The following TMEM135 variants were observed in gnomAD, a reference collection of about 807,000 sequenced individuals.
TMEM135 encodes transmembrane protein 135.
Under a neutral mutation model 60.3 loss-of-function variants are expected in TMEM135, and 30 were observed. The observed-to-expected ratio is 0.50, with a 90% confidence interval of 0.37 to 0.68. The LOEUF (loss-of-function observed/expected upper bound fraction) is 0.68. TMEM135 is among the 30% of genes least tolerant of loss of function. The pLI is 0.00. For synonymous variants in TMEM135, 190 were observed against 186.7 expected (o/e 1.02, Z -0.14); for missense variants, 468 against 548.8 (o/e 0.85, Z 1.47).
In TMEM135 at chr11:87,057,382, A is replaced by G. The variant is rs999098958; in HGVS notation, c.142-10312A>G. Among the ~76,000 whole-genome samples, 8 of 152,098 alleles carry G rather than the reference A, an allele frequency of 5.3e-5. No individual in the cohort carries two copies. The East Asian group carries it at 1.3e-3, about 26-fold the overall frequency. ...TTGAAGATTGCTTGTATCTTCCCAC[A>G]TATATTATTAACAAGTTGCCCTAGT... On this transcript the variant is annotated intron_variant, in intron 1 of 14. Coordinates refer to ENST00000305494, the MANE Select transcript of TMEM135 (RefSeq NM_022918.4).
chr11:87,170,276 G>A (rs1939198002), intron 5 of TMEM135, among the ~76,000 whole-genome samples: 2 of 152,078 alleles, frequency 1.3e-5, no homozygotes, highest in South Asian at 4.1e-4. Context: ...ACCTTCTGAA[G>A]CCTATTTCTG....
intron 6 of TMEM135, among the ~76,000 whole-genome samples, chr11:87,264,884 G>A (rs7952708): frequency 0.35 from 53,584 of 151,672 alleles, 10,016 homozygotes; most frequent in Non-Finnish European, 0.42. Context: ...AAGAGATTGT[G>A]TGTTATTTTA....
chr11:87,252,796 A>ATGTGTGTGTG (rs1430756887), intron 6 of TMEM135, among the ~76,000 whole-genome samples: 47 of 81,134 alleles, frequency 5.8e-4, no homozygotes, highest in Admixed American at 2.9e-3. Context: ...ATTAAAATAT[A>ATGTGTGTGTG]TATGTGTGTG....
At chr11:87,254,166 T>C (rs893462249) in intron 6 of TMEM135, among the ~76,000 whole-genome samples, 8 of 152,088 alleles carry the variant, frequency 5.3e-5, no homozygotes, top group Admixed American at 1.3e-4. Flanking sequence ...TCATTGACAA[T>C]GTCAGTAATA....
intron 2 of TMEM135, among the ~76,000 whole-genome samples, chr11:87,070,478 CA>C (rs1445275735): frequency 6.6e-6 from 1 of 151,836 alleles, no homozygotes; most frequent in African/African-American, 2.4e-5. Flanking sequence ...ACTAAAAATA[CA>C]AAAAATTAGC....
chr11:87,305,999 C>T lies in TMEM135; in HGVS notation c.762C>T (p.Cys254=). 1.3e-6 allele frequency: 2 copies of T among 1,589,888 alleles called. No individual in the cohort carries two copies. Among genetic ancestry groups the T allele is most frequent in the Non-Finnish European group, 8.6e-7 (1 of 1,164,526 alleles). ...KHYEDNCISY[C]IKGFIRMFSV... Reference sequence around the variant, plus strand: ...ATGAAGATAATTGCATCTCTTATTGCATTAAAGTAAGTATATGAAAGTATG... The same window carrying T: ...ATGAAGATAATTGCATCTCTTATTGTATTAAAGTAAGTATATGAAAGTATG... The change falls in exon 9 of 15, where the codon TGC becomes TGT. Residue 254 remains cysteine, a synonymous_variant. Coordinates refer to ENST00000305494, the MANE Select transcript of TMEM135 (RefSeq NM_022918.4).
At chr11:87,252,788 T>A (rs1591141786) in intron 6 of TMEM135, among the ~76,000 whole-genome samples, 3 of 114,940 alleles carry the variant, frequency 2.6e-5, no homozygotes, top group African/African-American at 3.0e-5. Flanking sequence ...AAAAAAAAAT[T>A]AAAATATATA....
chr11:87,110,984 G>A (rs1283553080), intron 4 of TMEM135, among the ~76,000 whole-genome samples: 1 of 152,158 alleles, frequency 6.6e-6, no homozygotes, highest in African/African-American at 2.4e-5. Context: ...TGCCATAGAT[G>A]CCTTATGTAC....
chr11:87,038,491 C>G (rs1424707301), intron 1 of TMEM135, among the ~76,000 whole-genome samples: 1 of 151,728 alleles, frequency 6.6e-6, no homozygotes, highest in Non-Finnish European at 1.5e-5. Flanking sequence ...AACGTTAATT[C>G]AAAGACCAGC....
intron 7 of TMEM135, among the ~76,000 whole-genome samples, chr11:87,297,904 T>A (rs1319058549): frequency 6.6e-6 from 1 of 152,218 alleles, no homozygotes; most frequent in Non-Finnish European, 1.5e-5. Flanking sequence ...TGCATTTATA[T>A]GGTGAATATG....
chr11:87,077,280 G>A (rs1207360384), intron 3 of TMEM135, among the ~76,000 whole-genome samples: 1 of 152,314 alleles, frequency 6.6e-6, no homozygotes, highest in East Asian at 1.9e-4. Context: ...AACTAAGCAT[G>A]ATGCCTTTGA....
In TMEM135 at chr11:87,321,422, T is replaced by C. The variant is rs1942818159; in HGVS notation, c.*89T>C. 7.3e-7 allele frequency: 1 copy of C among 1,372,790 alleles called. No homozygotes were observed. Among genetic ancestry groups the C allele is most frequent in the Non-Finnish European group, 1.0e-6 (1 of 964,294 alleles). The allele number at this position is 1,372,790 out of a possible 1,614,324, so 85.0% of individuals were successfully genotyped here. ...CAAAGGAGGGGGCCCAAGCTCGAAC[T>C]TCAGTGTTATTTCAGTTAGAGATAC... On this transcript the variant is annotated 3_prime_UTR_variant, in exon 15 of 15. Transcript: ENST00000305494.
chr11:87,071,640 C>T (rs746318385), intron 3 of TMEM135, 25 bp downstream of exon 3: 64 of 1,586,136 alleles, frequency 4.0e-5, no homozygotes, highest in East Asian at 9.0e-5. Flanking sequence ...ATTTATTTAA[C>T]GGAACTGATT....
At chr11:87,110,040 A>G (rs114225592) in intron 4 of TMEM135, among the ~76,000 whole-genome samples, 170 of 152,214 alleles carry the variant, frequency 1.1e-3, no homozygotes, top group African/African-American at 3.9e-3. Flanking sequence ...ATGTTACTCC[A>G]GATTTTTGGT....
chr11:87,272,140 C>G (rs1411233272), intron 6 of TMEM135, among the ~76,000 whole-genome samples: 1 of 149,672 alleles, frequency 6.7e-6, no homozygotes, highest in African/African-American at 2.5e-5. Flanking sequence ...TGCAACCTCC[C>G]CCTCCCTGGT....
chr11:87,319,120 C>T (rs562681704), intron 13 of TMEM135, 190 bp from the exon 14 acceptor site: 11 of 570,190 alleles, frequency 1.9e-5, no homozygotes, highest in Admixed American at 2.9e-5. Context: ...CTGCCCGCCT[C>T]GGCCTCCCCA....
chr11:87,169,998 C>G (rs1270082844), intron 5 of TMEM135, among the ~76,000 whole-genome samples: 1 of 146,078 alleles, frequency 6.8e-6, no homozygotes, highest in Non-Finnish European at 1.5e-5. Flanking sequence ...TTCCTTCGTT[C>G]CTTTTTAGTC....
chr11:87,236,742 C>T (rs1591126268), intron 6 of TMEM135, 58 bp downstream of exon 6: 1 of 1,505,490 alleles, frequency 6.6e-7, no homozygotes, highest in East Asian at 2.3e-5. Flanking sequence ...TTTGTAATTT[C>T]ATCAACCACG....
intron 5 of TMEM135, among the ~76,000 whole-genome samples, chr11:87,186,285 C>T: frequency 6.6e-6 from 1 of 152,134 alleles, no homozygotes; most frequent in South Asian, 2.1e-4. Flanking sequence ...AATCCTTTGG[C>T]TATAACCCTA....
Sources: allele counts gnomAD v4.1 joint callset (sites outside exome capture counted in the v4.1 genomes callset), GRCh38; gene constraint gnomAD v4.1.1; transcripts MANE v1.5; gene names NCBI Gene and HGNC (gene_info 2026-07-23, HGNC 2026-07-21).